DCAF1: variants seen among roughly 807,000 people sequenced by gnomAD.
The protein encoded by DCAF1 is DDB1 and CUL4 associated factor 1.
DCAF1 carries 15 observed loss-of-function variants against 128.0 expected under a neutral mutation model. The ratio of observed to expected loss-of-function variants is 0.12; its 90% CI spans 0.08 to 0.18. The LOEUF (loss-of-function observed/expected upper bound fraction) is 0.18, where lower values mean the gene tolerates loss of function less well. Among genes scored for constraint, DCAF1 ranks in the 10% least tolerant of loss-of-function variants. DCAF1 has a pLI of 1.00. For missense variants in DCAF1, 988 were observed against 1,649.5 expected, an observed-to-expected ratio of 0.60 and a Z score of 6.95; for synonymous variants, 610 against 603.0, an observed-to-expected ratio of 1.01 and a Z score of -0.17.
chr3:51,441,113 T>C (rs1553638526), intron 8 of DCAF1, 42 bp from the exon 9 acceptor site: 9 of 1,522,136 alleles, frequency 5.9e-6, no homozygotes, highest in East Asian at 2.3e-5. Context: ...TTTGGCTTTA[T>C]TGTCATGTAT....
At chr3:51,466,674 A>G (rs1704161917) in intron 5 of DCAF1, 129 bp downstream of exon 5, 1 of 791,030 alleles carries the variant, frequency 1.3e-6, no homozygotes, top group Non-Finnish European at 2.0e-6. Flanking sequence ...CACAACCAGG[A>G]CTTTGGCAAA....
At chr3:51,453,402 A>G (rs1702550445) in intron 6 of DCAF1, among the ~76,000 whole-genome samples, 1 of 148,100 alleles carries the variant, frequency 6.8e-6, no homozygotes, top group South Asian at 2.2e-4. Flanking sequence ...CTGAGGCGGG[A>G]GGACTGCTTG....
chr3:51,433,286 TACC>T (rs1700541063), intron 9 of DCAF1, 22 bp from the exon 10 acceptor site: 1 of 398,358 alleles, frequency 2.5e-6, no homozygotes, highest in African/African-American at 2.1e-5. Flanking sequence ...GGACACAAAT[TACC>T]ACAAAATAAT....
chr3:51,404,715 A>G (rs534103525), intron 23 of DCAF1, among the ~76,000 whole-genome samples: 70 of 152,370 alleles, frequency 4.6e-4, no homozygotes, highest in African/African-American at 1.6e-3. Flanking sequence ...TACTTGTGCA[A>G]GTGCGTGTAT....
rs1297859581 is a variant in DCAF1, at chr3:51,398,378, CTGTT to C, written c.*387_*390del. 6.1e-6 allele frequency: 1 copy of C among 163,194 alleles called. No homozygotes were observed. The highest frequency in any genetic ancestry group is 2.4e-5 in the African/African-American group (1 of 41,578). 10.1% of individuals were successfully genotyped at this position (163,194 alleles called of 1,614,324 possible). A position where few individuals can be genotyped will look rare whatever the true frequency, so the allele number is the denominator to read the frequency against. On this transcript the variant is annotated 3_prime_UTR_variant, in exon 25 of 25. Transcript: ENST00000684031. The stretch of plus-strand genomic sequence containing the variant: ...AGTTCATACCCTCAGTTATAAATGC[CTGTT>C]TTTTTTTCCTTTTTAAAGTTTTATA...
At chr3:51,482,966 G>A (rs1197677378) in intron 3 of DCAF1, among the ~76,000 whole-genome samples, 9 of 150,882 alleles carry the variant, frequency 6.0e-5, no homozygotes, top group African/African-American at 2.0e-4. Flanking sequence ...GTGAAACCCC[G>A]TCTCTACTAA....
intron 2 of DCAF1, among the ~76,000 whole-genome samples, chr3:51,487,615 G>A (rs1553656011): frequency 6.6e-6 from 1 of 152,088 alleles, no homozygotes; most frequent in Non-Finnish European, 1.5e-5. Flanking sequence ...AAGAGTACTA[G>A]CCAGGCTGGT....
At chr3:51,429,505 G>A (rs772475614) in intron 11 of DCAF1, 35 bp from the exon 12 acceptor site, 52 of 773,870 alleles carry the variant, frequency 6.7e-5, no homozygotes, top group Non-Finnish European at 1.1e-4. Flanking sequence ...CAAAAGAGGG[G>A]AAAAGGCAAG....
At chr3:51,431,989 A>AC (rs1197286964) in intron 10 of DCAF1, among the ~76,000 whole-genome samples, 1 of 151,446 alleles carries the variant, frequency 6.6e-6, no homozygotes, top group African/African-American at 2.4e-5. Context: ...AGAAAAAAAA[A>AC]AGGCCGGGCA....
chr3:51,421,133 G>A (rs1305075416), intron 14 of DCAF1, 136 bp from the exon 15 acceptor site: 9 of 1,060,078 alleles, frequency 8.5e-6, no homozygotes, highest in Non-Finnish European at 7.9e-6. Context: ...AACTGCAAGG[G>A]TTTGTATAAA....
intron 16 of DCAF1, 31 bp from the exon 17 acceptor site, chr3:51,418,229 A>G (rs1253666549): frequency 6.3e-7 from 1 of 1,587,606 alleles, no homozygotes; most frequent in Non-Finnish European, 8.6e-7. Context: ...GTGGGTAACC[A>G]CGTATTTACA....
chr3:51,413,302 G>A lies in DCAF1; in HGVS notation c.4016C>T (p.Ala1339Val). The A allele has an allele frequency of 6.2e-7, 1 of 1,613,444 alleles. No homozygotes were observed. Among genetic ancestry groups the A allele is most frequent in the Non-Finnish European group, 8.5e-7 (1 of 1,179,706 alleles). ...PFGSSFRTFN[A>V]TDYKPIATID... ...CTTACCTATAGGTTTGTAGTCAGTT[G>A]CATTAAATGTTCGGAAGGATGACCC... is the stretch of plus-strand genomic sequence containing the variant. The change falls in exon 21 of 25, where the codon GCA becomes GTA. Residue 1339 changes from alanine (A) to valine (V), a missense_variant. Around this residue, in one of 11 missense-constraint regions of DCAF1, gnomAD observed 85 missense variants for 204.6 expected, o/e 0.42. Transcript: ENST00000684031.
chr3:51,404,847 T>G (rs1366068131), intron 23 of DCAF1, among the ~76,000 whole-genome samples: 2 of 152,108 alleles, frequency 1.3e-5, no homozygotes, highest in African/African-American at 4.8e-5. Flanking sequence ...GATAAATAAC[T>G]ACTAAGCATT....
chr3:51,493,712 T>G (rs1707921041), intron 2 of DCAF1, among the ~76,000 whole-genome samples: 1 of 151,508 alleles, frequency 6.6e-6, no homozygotes, highest in South Asian at 2.1e-4. Flanking sequence ...TATAAAACAT[T>G]GAAGGCTGGG....
At chr3:51,430,405 A>G (rs1279047032) in intron 10 of DCAF1, among the ~76,000 whole-genome samples, 193 bp from the exon 11 acceptor site, 1 of 152,198 alleles carries the variant, frequency 6.6e-6, no homozygotes, top group Non-Finnish European at 1.5e-5. Flanking sequence ...CCTGAAAACG[A>G]CCTAAATTTA....
intron 6 of DCAF1, among the ~76,000 whole-genome samples, chr3:51,459,273 A>G (rs1232300704): frequency 1.3e-5 from 2 of 152,216 alleles, no homozygotes; most frequent in South Asian, 2.1e-4. Flanking sequence ...AGAATACTAT[A>G]AACACCTCTA....
At chr3:51,396,476 T>C (rs1431333686), downstream of DCAF1, 1 of 166,732 alleles carries the variant, frequency 6.0e-6, no homozygotes, top group Admixed American at 6.6e-5. Context: ...GTCCTGGTGA[T>C]TTTATGAGAC....
At chr3:51,428,319 T>C (rs1577112804) in intron 12 of DCAF1, among the ~76,000 whole-genome samples, 1 of 143,114 alleles carries the variant, frequency 7.0e-6, no homozygotes, top group South Asian at 2.2e-4. Context: ...GACACAGGTG[T>C]ACCACCATGC....
At chr3:51,454,415 G>T (rs1216232442) in intron 6 of DCAF1, among the ~76,000 whole-genome samples, 1 of 152,118 alleles carries the variant, frequency 6.6e-6, no homozygotes, top group African/African-American at 2.4e-5. Flanking sequence ...AGAGTGGAGT[G>T]GAGTGGCATG....
Sources: allele counts gnomAD v4.1 joint callset (sites outside exome capture counted in the v4.1 genomes callset), GRCh38; gene constraint gnomAD v4.1.1; regional missense constraint gnomAD v4.1.1; transcripts MANE v1.5; gene names NCBI Gene and HGNC (gene_info 2026-07-23, HGNC 2026-07-21).